Variants in ERGIC3 observed in about 807,000 individuals in gnomAD.
ERGIC3 encodes endoplasmic reticulum-Golgi intermediate compartment protein 3.
In ERGIC3, 33 loss-of-function variants were observed where a neutral mutation model predicts 54.7. The ratio of observed to expected loss-of-function variants is 0.60; its 90% CI spans 0.46 to 0.81. The LOEUF is 0.81. Ranked by LOEUF, ERGIC3 falls within the 30% of genes least tolerant of loss-of-function variation. The probability of loss-of-function intolerance (pLI) is 0.00; values close to 1 mark genes in which losing one functional copy is unlikely to be tolerated. For synonymous variants in ERGIC3, 186 were observed against 189.8 expected (o/e 0.98, Z 0.16); for missense variants, 399 against 488.4 (o/e 0.82, Z 1.73).
In ERGIC3 at chr20:35,556,134, C is replaced by T. The variant is rs1213076072; in HGVS notation, c.814+5C>T. The T allele has an allele frequency of 6.2e-7, 1 of 1,614,084 alleles. No individual in the cohort carries two copies. The highest frequency in any genetic ancestry group is 1.3e-5 in the African/African-American group (1 of 74,928). On this transcript the variant is annotated splice_donor_5th_base_variant and intron_variant, in intron 9 of 12. Coordinates refer to ENST00000348547, the MANE Select transcript of ERGIC3 (RefSeq NM_015966.3). ...CCAATGTCACTGCGCCCCAAGGTAC[C>T]AGCCCGGGAGGCAGCCCCCAGCCGC... is the stretch of plus-strand genomic sequence containing the variant.
At chr20:35,557,325 G>T in intron 12 of ERGIC3, 76 bp downstream of exon 12, 1 of 1,610,358 alleles carries the variant, frequency 6.2e-7, no homozygotes. Flanking sequence ...GGTTGGGGGT[G>T]AAGGGGCAGA....
At position 35,555,150 on chromosome 20, in the gene ERGIC3, A is replaced by G. The variant is rs2064704176; in HGVS notation, c.717+75A>G. ...GTTGCTGCCTTCATTTCCTTGTAGG[A>G]ACATCCTGGGATGGGGTAGTGCATA... is the stretch of plus-strand genomic sequence containing the variant. On this transcript the variant is annotated intron_variant, in intron 8 of 12. Coordinates refer to ENST00000348547, the MANE Select transcript of ERGIC3 (RefSeq NM_015966.3). The G allele has an allele frequency of 1.9e-6, 3 of 1,550,358 alleles. No homozygotes were observed. In the African/African-American group the frequency reaches 4.1e-5, roughly 21 times the overall value.
At chr20:35,553,641 G>C (rs921974428) in intron 7 of ERGIC3, among the ~76,000 whole-genome samples, 1 of 152,018 alleles carries the variant, frequency 6.6e-6, no homozygotes, top group Non-Finnish European at 1.5e-5. Flanking sequence ...AGGGCAATCT[G>C]TGGGGGTGGG....
chr20:35,554,997 C>T (rs199882838), intron 7 of ERGIC3, 47 bp from the exon 8 acceptor site: 344 of 1,610,944 alleles, frequency 2.1e-4, no homozygotes, highest in Non-Finnish European at 2.7e-4. Context: ...GCCAGTGCTG[C>T]TCCTACTAAT....
chr20:35,556,860 C>T (rs767782567), intron 10 of ERGIC3, 113 bp from the exon 11 acceptor site: 1 of 1,464,516 alleles, frequency 6.8e-7, no homozygotes, highest in South Asian at 1.2e-5. Context: ...GCTGTGTTCT[C>T]TCCTTACACG....
intron 7 of ERGIC3, chr20:35,554,292 C>A: frequency 6.3e-7 from 1 of 1,575,794 alleles, no homozygotes; most frequent in Non-Finnish European, 8.7e-7. Flanking sequence ...GTCTTCCCTC[C>A]TGCAACATAT....
In ERGIC3 at chr20:35,557,471, C is replaced by G. The variant is rs767416302; in HGVS notation, c.1119C>G (p.Ile373Met). ...DSLIYHSARAIQKKIDLGKTT is the reference protein window; with the variant it reads ...DSLIYHSARAMQKKIDLGKTT ...TCATCTACCACTCAGCACGAGCCAT[C>G]CAGAAGAAAATTGATCTAGGGAAGA... The change falls in exon 13 of 13, where the codon ATC becomes ATG. Residue 373 changes from isoleucine (I) to methionine (M), a missense_variant. Physicochemically the swap from Ile to Met is conservative, Grantham distance 10 (BLOSUM62 1). Transcript: ENST00000348547. 64 of 1,614,014 alleles carry G rather than the reference C, an allele frequency of 4.0e-5. No homozygotes were observed. The highest frequency in any genetic ancestry group is 5.1e-5 in the Non-Finnish European group (60 of 1,180,030).
rs1362157827 is a variant in ERGIC3 at position 35,545,942 on chromosome 20, G to A, written c.368-1470G>A. 3.3e-5 allele frequency among the ~76,000 whole-genome samples: 5 copies of A among 152,292 alleles called. 1 individual carries two copies. Among genetic ancestry groups the A allele is most frequent in the Middle Eastern group, 6.8e-3 (2 of 294 alleles). The stretch of plus-strand genomic sequence containing the variant: ...AAGAAAACCTGGGGAGTCAATGTAG[G>A]TAGAGGATAGGTCTACGGCCTGTAC... On this transcript the variant is annotated intron_variant, in intron 4 of 12. Transcript: ENST00000348547.
chr20:35,556,426 C>A, intron 10 of ERGIC3, 155 bp downstream of exon 10: 1 of 785,416 alleles, frequency 1.3e-6, no homozygotes, highest in Non-Finnish European at 2.1e-6. Flanking sequence ...TTTGCCCTCC[C>A]AGGCAGAGTG....
At chr20:35,552,769 C>T (rs1247154595) in intron 7 of ERGIC3, among the ~76,000 whole-genome samples, 1 of 151,982 alleles carries the variant, frequency 6.6e-6, no homozygotes, top group African/African-American at 2.4e-5. Context: ...GAGCAAGTGG[C>T]TTGGGTAGGC....
chr20:35,554,924 C>A, intron 7 of ERGIC3, 120 bp from the exon 8 acceptor site: 1 of 1,233,176 alleles, frequency 8.1e-7, no homozygotes, highest in South Asian at 1.2e-5. Context: ...AGGTGCCAGG[C>A]TGGAGAAGGA....
intron 4 of ERGIC3, chr20:35,545,261 G>T (rs1253550007): frequency 6.6e-6 from 1 of 152,190 alleles, no homozygotes; most frequent in African/African-American, 2.4e-5. Context: ...GAACAAAGTA[G>T]AAACCATAAC....
intron 8 of ERGIC3, among the ~76,000 whole-genome samples, chr20:35,555,567 G>T (rs886713085): frequency 2.0e-5 from 3 of 152,146 alleles, no homozygotes; most frequent in Non-Finnish European, 2.9e-5. Flanking sequence ...GAGTGTATCT[G>T]GGGGTTCACA....
intron 7 of ERGIC3, among the ~76,000 whole-genome samples, chr20:35,554,642 G>A (rs2064701421): frequency 1.3e-5 from 2 of 152,230 alleles, no homozygotes; most frequent in Admixed American, 1.3e-4. Context: ...GGAGCTTTGA[G>A]GGTGGAGGCA....
intron 4 of ERGIC3, among the ~76,000 whole-genome samples, chr20:35,546,068 G>C (rs968904326): frequency 6.6e-6 from 1 of 152,202 alleles, no homozygotes; most frequent in Admixed American, 6.5e-5. Context: ...AAGCCAAGTG[G>C]AGAGAGTTTC....
intron 8 of ERGIC3, 133 bp from the exon 9 acceptor site, chr20:35,555,897 ATTC>A: frequency 1.4e-6 from 1 of 695,644 alleles, no homozygotes; most frequent in Non-Finnish European, 2.4e-6. Context: ...GGAATGGGGG[ATTC>A]TTATCTCGGG....
Position 35,548,497 on chromosome 20 carries a change from C to T in ERGIC3, c.462-12C>T. ...CTCTTTAACACTCTCACCGTCACTC[C>T]CTGCCCTACAGGTGCTGTAACACCT... On this transcript the variant is annotated splice_polypyrimidine_tract_variant and intron_variant, in intron 5 of 12. Transcript: ENST00000348547. The T allele has an allele frequency of 6.2e-7, 1 of 1,613,600 alleles. No individual in the cohort carries two copies. The highest frequency in any genetic ancestry group is 8.5e-7 in the Non-Finnish European group (1 of 1,179,922).
intron 4 of ERGIC3, chr20:35,544,048 A>G (rs998815171): frequency 1.4e-5 from 3 of 220,472 alleles, no homozygotes; most frequent in East Asian, 2.3e-4. Flanking sequence ...CTATCTATCT[A>G]TCTATCTATC....
At chr20:35,542,622 G>A in intron 3 of ERGIC3, 22 bp downstream of exon 3, 1 of 1,613,094 alleles carries the variant, frequency 6.2e-7, no homozygotes, top group Non-Finnish European at 8.5e-7. Flanking sequence ...ACCATGGGTG[G>A]GACTGGAGAG....
Sources: gnomAD v4.1 joint callset for allele counts (sites outside exome capture counted in the v4.1 genomes callset) on GRCh38, gnomAD v4.1.1 for gene constraint, MANE v1.5 for transcripts, NCBI Gene and HGNC (gene_info 2026-07-23, HGNC 2026-07-21) for gene names.